GRID2: variants seen among roughly 807,000 people sequenced by gnomAD.
GRID2 encodes the protein glutamate receptor ionotropic, delta-2.
GRID2 carries 33 observed loss-of-function variants against 114.8 expected under a neutral mutation model. The ratio of observed to expected loss-of-function variants is 0.29; its 90% confidence interval spans 0.22 to 0.38. The LOEUF (loss-of-function observed/expected upper bound fraction) is 0.38. GRID2 is among the 10% of genes least tolerant of loss of function. GRID2 has a pLI of 1.00. For missense variants in GRID2, 1,184 were observed against 1,257.7 expected, an observed-to-expected ratio of 0.94 and a Z score of 0.89; for synonymous variants, 505 against 449.9, an observed-to-expected ratio of 1.12 and a Z score of -1.55.
chr4:93,219,150 G>GA lies in GRID2; in HGVS notation c.963+2246dup, dbSNP rs564387644. ...TGTGAAAATGATAGAATTCTAAATA[G>GA]AAAAAAAGGAAAGAATTTTGATTTA... is the stretch of plus-strand genomic sequence containing the variant. On this transcript the variant is annotated intron_variant, in intron 6 of 15. Transcript: ENST00000282020. Among the ~76,000 whole-genome samples the GA allele has an allele frequency of 5.9e-3, 889 of 151,566 alleles. 2 individuals carry two copies. Among genetic ancestry groups the GA allele is most frequent in the South Asian group, 0.018 (88 of 4,812 alleles).
intron 1 of GRID2, among the ~76,000 whole-genome samples, chr4:92,409,866 T>G (rs1731212484): frequency 6.6e-6 from 1 of 152,104 alleles, no homozygotes; most frequent in Non-Finnish European, 1.5e-5. Flanking sequence ...TGTGCTGGTC[T>G]TTTTCTTGTG....
chr4:93,397,045 C>T (rs1765397991), intron 9 of GRID2, among the ~76,000 whole-genome samples: 1 of 151,920 alleles, frequency 6.6e-6, no homozygotes, highest in Non-Finnish European at 1.5e-5. Flanking sequence ...TACGTTGATG[C>T]TAATTGGATG....
At chr4:93,258,251 G>A (rs1265493614) in intron 8 of GRID2, among the ~76,000 whole-genome samples, 5 of 150,934 alleles carry the variant, frequency 3.3e-5, no homozygotes, top group Admixed American at 1.3e-4. Context: ...TAAATTGGAT[G>A]GAAATAAAAG....
At chr4:93,634,813 G>A (rs988431676) in intron 14 of GRID2, among the ~76,000 whole-genome samples, 1 of 152,014 alleles carries the variant, frequency 6.6e-6, no homozygotes, top group African/African-American at 2.4e-5. Context: ...TTGGAGAAAG[G>A]ATAGGGAGAA....
At chr4:92,869,662 A>C (rs1026808971) in intron 2 of GRID2, among the ~76,000 whole-genome samples, 1 of 152,168 alleles carries the variant, frequency 6.6e-6, no homozygotes, top group Non-Finnish European at 1.5e-5. Context: ...TTTCTTTTGC[A>C]TTATTCACCA....
At chr4:93,050,170 T>G (rs1266039889) in intron 2 of GRID2, among the ~76,000 whole-genome samples, 1 of 152,082 alleles carries the variant, frequency 6.6e-6, no homozygotes, top group Non-Finnish European at 1.5e-5. Flanking sequence ...GCTAACAATG[T>G]ATAGCCCTGC....
chr4:93,695,838 T>TGATA (rs1726971767), intron 14 of GRID2, among the ~76,000 whole-genome samples: 2 of 152,188 alleles, frequency 1.3e-5, no homozygotes, highest in South Asian at 4.1e-4. Context: ...GAAAAGACAA[T>TGATA]GCTATCTTCC....
At chr4:93,012,077 G>C (rs1257273781) in intron 2 of GRID2, among the ~76,000 whole-genome samples, 2 of 116,526 alleles carry the variant, frequency 1.7e-5, no homozygotes, top group Non-Finnish European at 3.5e-5. Context: ...TGTATTATCA[G>C]GCTGAAAAAA....
chr4:92,340,983 C>T (rs186359291), intron 1 of GRID2, among the ~76,000 whole-genome samples: 2 of 151,900 alleles, frequency 1.3e-5, no homozygotes, highest in Admixed American at 6.6e-5. Context: ...ACCATTCCTG[C>T]AGTTTTGTGA....
chr4:92,954,704 C>T (rs1037492877), intron 2 of GRID2, among the ~76,000 whole-genome samples: 14 of 144,336 alleles, frequency 9.7e-5, no homozygotes, highest in African/African-American at 2.3e-4. Flanking sequence ...CATGCTGGTG[C>T]GCTGCACCCA....
chr4:93,738,278 T>G (rs1307313182), intron 14 of GRID2, among the ~76,000 whole-genome samples: 1 of 152,108 alleles, frequency 6.6e-6, no homozygotes, highest in Non-Finnish European at 1.5e-5. Context: ...GGACTTTATA[T>G]TTTTTAGCAA....
chr4:92,446,322 TGGCAAAGAACTACCACAA>T (rs1733469595), intron 1 of GRID2, among the ~76,000 whole-genome samples: 2 of 152,184 alleles, frequency 1.3e-5, no homozygotes, highest in African/African-American at 4.8e-5. Flanking sequence ...CAAATTGGAG[TGGCAAAGAACTACCACAA>T]GGTCTGACTC....
At chr4:93,241,652 A>C (rs1747526981) in intron 8 of GRID2, among the ~76,000 whole-genome samples, 1 of 151,864 alleles carries the variant, frequency 6.6e-6, no homozygotes, top group South Asian at 2.1e-4. Context: ...AAATTAAGGT[A>C]TGCTGGCCTA....
At chr4:93,266,658 C>G (rs1250529572) in intron 8 of GRID2, among the ~76,000 whole-genome samples, 1 of 152,128 alleles carries the variant, frequency 6.6e-6, no homozygotes. Context: ...AGGTGATCCA[C>G]CCACCTCAGC....
chr4:92,843,395 G>T (rs1324894945), intron 2 of GRID2, among the ~76,000 whole-genome samples: 1 of 152,002 alleles, frequency 6.6e-6, no homozygotes, highest in Non-Finnish European at 1.5e-5. Context: ...TAGAAAATTA[G>T]TGTGGGCCCT....
intron 1 of GRID2, among the ~76,000 whole-genome samples, chr4:92,353,413 G>A (rs1399775358): frequency 6.6e-6 from 1 of 151,750 alleles, no homozygotes; most frequent in Non-Finnish European, 1.5e-5. Flanking sequence ...GGTTATTTTT[G>A]TTGAAAAATT....
chr4:92,869,721 G>A (rs1336256144), intron 2 of GRID2, among the ~76,000 whole-genome samples: 2 of 152,054 alleles, frequency 1.3e-5, no homozygotes, highest in African/African-American at 2.4e-5. Flanking sequence ...CCTTGATCAT[G>A]CCAATCTCTT....
chr4:92,925,408 A>T lies in GRID2; in HGVS notation c.245-159587A>T, dbSNP rs183213130. ...ATTAAATTACTACATGGAAAAATAA[A>T]TTGAAAAAGAAAAGCCCTGAAGTAA... On this transcript the variant is annotated intron_variant, in intron 2 of 15. Transcript: ENST00000282020. Among the ~76,000 whole-genome samples, 679 of 152,174 alleles carry T rather than the reference A, an allele frequency of 4.5e-3. 7 individuals carry two copies. Among genetic ancestry groups the T allele is most frequent in the Middle Eastern group, 0.014 (4 of 294 alleles).
intron 4 of GRID2, among the ~76,000 whole-genome samples, chr4:93,197,058 A>C (rs1290554174): frequency 1.3e-5 from 2 of 152,160 alleles, no homozygotes; most frequent in Non-Finnish European, 2.9e-5. Context: ...ATAGTCATGG[A>C]ATCACCTGTA....
Sources: gnomAD v4.1 joint callset for allele counts (sites outside exome capture counted in the v4.1 genomes callset) on GRCh38, gnomAD v4.1.1 for gene constraint, MANE v1.5 for transcripts, NCBI Gene and HGNC (gene_info 2026-07-23, HGNC 2026-07-21) for gene names.